FBN1: variants seen among roughly 807,000 people sequenced by gnomAD.
The protein encoded by FBN1 is fibrillin 1.
FBN1 carries 29 observed loss-of-function variants against 365.1 expected under a neutral mutation model. The observed-to-expected ratio is 0.08, with a 90% CI of 0.06 to 0.11. The LOEUF is 0.11. Among genes scored for constraint, FBN1 ranks in the 10% least tolerant of loss-of-function variants. The pLI, the probability that FBN1 is intolerant of heterozygous loss-of-function variation, is 1.00. For missense variants in FBN1, 2,476 were observed against 3,703.2 expected (o/e 0.67, Z 8.60); for synonymous variants, 1,210 against 1,270.5 (o/e 0.95, Z 1.01).
intron 43 of FBN1, among the ~76,000 whole-genome samples, chr15:48,459,313 G>A (rs1015872408): frequency 1.4e-4 from 21 of 152,192 alleles, no homozygotes; most frequent in African/African-American, 5.1e-4. Context: ...GGTGTTCCAT[G>A]CCAATGTCAT....
chr15:48,444,760 T>C, intron 48 of FBN1, 100 bp from the exon 49 acceptor site: 4 of 1,245,614 alleles, frequency 3.2e-6, no homozygotes, highest in South Asian at 2.5e-5. Flanking sequence ...AAGAAATACA[T>C]AAAGCAAATT....
In FBN1 at chr15:48,526,265, A is replaced by C; in HGVS notation, c.863-10T>G. On this transcript the variant is annotated splice_polypyrimidine_tract_variant and intron_variant, in intron 8 of 65. Transcript: ENST00000316623. ...CTGCATTCATCAATATCTGGAATAT[A>C]AAAAAAAGAATCTCAGCATTTGTAG... 6.2e-7 allele frequency: 1 copy of C among 1,603,206 alleles called. No homozygotes were observed. Among genetic ancestry groups the C allele is most frequent in the East Asian group, 2.2e-5 (1 of 44,600 alleles).
chr15:48,621,101 C>T (rs774529141), intron 2 of FBN1, among the ~76,000 whole-genome samples: 2 of 152,194 alleles, frequency 1.3e-5, no homozygotes, highest in Non-Finnish European at 2.9e-5. Flanking sequence ...TAAGTCCATA[C>T]TGATAAATAA....
chr15:48,458,893 A>G (rs2043261231), intron 43 of FBN1, among the ~76,000 whole-genome samples: 1 of 152,248 alleles, frequency 6.6e-6, no homozygotes, highest in South Asian at 2.1e-4. Flanking sequence ...TCATGCTGGA[A>G]TTTGGTAACA....
chr15:48,422,194 C>T (rs2042949215), intron 60 of FBN1, 126 bp from the exon 61 acceptor site: 1 of 719,106 alleles, frequency 1.4e-6, no homozygotes, highest in Non-Finnish European at 2.5e-6. Flanking sequence ...AAAGAAGCCA[C>T]AGCAAAAGGC....
chr15:48,453,294 C>CAAAA (rs60566317), intron 44 of FBN1, among the ~76,000 whole-genome samples: 1 of 58,470 alleles, frequency 1.7e-5, no homozygotes, highest in Non-Finnish European at 4.5e-5. Context: ...ATAAAACAAA[C>CAAAA]AAAAAAAAAA....
At chr15:48,511,062 A>C (rs560021898) in intron 13 of FBN1, among the ~76,000 whole-genome samples, 1 of 152,214 alleles carries the variant, frequency 6.6e-6, no homozygotes, top group East Asian at 1.9e-4. Flanking sequence ...GTGGAGTTGG[A>C]TGCGAGCATT....
chr15:48,550,435 A>T (rs1434368589), intron 6 of FBN1, among the ~76,000 whole-genome samples: 1 of 151,970 alleles, frequency 6.6e-6, no homozygotes, highest in East Asian at 1.9e-4. Flanking sequence ...CCCCCACCTA[A>T]TCACCCGCAA....
At chr15:48,640,210 T>C (rs1890174158) in intron 2 of FBN1, among the ~76,000 whole-genome samples, 1 of 152,218 alleles carries the variant, frequency 6.6e-6, no homozygotes, top group Admixed American at 6.5e-5. Flanking sequence ...AAACAACCTC[T>C]ATGTCTTCAA....
At chr15:48,435,778 G>GTATATATATGCATATA (rs1299471206) in intron 53 of FBN1, among the ~76,000 whole-genome samples, 1 of 141,322 alleles carries the variant, frequency 7.1e-6, no homozygotes. Context: ...GTATATGTGT[G>GTATATATATGCATATA]TGTGTGTGTG....
chr15:48,464,787 T>C (rs138536551), intron 40 of FBN1, among the ~76,000 whole-genome samples: 70 of 152,326 alleles, frequency 4.6e-4, no homozygotes, highest in Middle Eastern at 3.4e-3. Context: ...TAAGGCAGCA[T>C]GGAGCATATT....
rs541209065 is a variant in FBN1 at position 48,439,731 on chromosome 15, T to C, written c.6164-1814A>G. ...GACTTCGTCCCAGACCCCAGCTCTA[T>C]CTCCCCCACACCACTCCACCCCGAA... On this transcript the variant is annotated intron_variant, in intron 50 of 65. Transcript: ENST00000316623. Among the ~76,000 whole-genome samples, 7 of 151,964 alleles carry C rather than the reference T, an allele frequency of 4.6e-5. 1 individual carries two copies. Among genetic ancestry groups the C allele is most frequent in the African/African-American group, 1.4e-4 (6 of 41,426 alleles).
At chr15:48,444,116 T>C (rs145285769) in intron 49 of FBN1, among the ~76,000 whole-genome samples, 1 of 152,278 alleles carries the variant, frequency 6.6e-6, no homozygotes, top group East Asian at 1.9e-4. Flanking sequence ...CACTGCTCTA[T>C]AGGTAAAAAC....
chr15:48,597,739 T>C (rs925200904), intron 5 of FBN1, among the ~76,000 whole-genome samples: 6 of 152,258 alleles, frequency 3.9e-5, no homozygotes, highest in African/African-American at 1.4e-4. Context: ...GAGAGGTTTA[T>C]GTAAATTAAT....
intron 6 of FBN1, among the ~76,000 whole-genome samples, chr15:48,556,791 A>T (rs2044184569): frequency 6.6e-6 from 1 of 152,186 alleles, no homozygotes; most frequent in Non-Finnish European, 1.5e-5. Flanking sequence ...AGCGGAGAGA[A>T]TTTAAGGTTG....
chr15:48,473,663 T>A (rs1360069215), intron 34 of FBN1, among the ~76,000 whole-genome samples: 1 of 152,178 alleles, frequency 6.6e-6, no homozygotes, highest in African/African-American at 2.4e-5. Flanking sequence ...ATGATGACGA[T>A]AATGATGATG....
intron 35 of FBN1, among the ~76,000 whole-genome samples, chr15:48,471,198 A>T (rs1184588177): frequency 6.6e-6 from 1 of 152,092 alleles, no homozygotes; most frequent in East Asian, 1.9e-4. Flanking sequence ...CAGTGTCCCT[A>T]GTCCTATGGC....
At chr15:48,492,670 C>T (rs2043571644) in intron 23 of FBN1, 84 bp from the exon 24 acceptor site, 1 of 1,145,186 alleles carries the variant, frequency 8.7e-7, no homozygotes, top group Non-Finnish European at 1.3e-6. Context: ...ATAATTATTC[C>T]CCATTTTGAA....
At chr15:48,567,713 C>T (rs1237694003) in intron 6 of FBN1, among the ~76,000 whole-genome samples, 1 of 152,080 alleles carries the variant, frequency 6.6e-6, no homozygotes, top group Non-Finnish European at 1.5e-5. Flanking sequence ...ACAAAAACCA[C>T]ATGATCATCT....
Sources: gnomAD v4.1 joint callset for allele counts (sites outside exome capture counted in the v4.1 genomes callset) on GRCh38, gnomAD v4.1.1 for gene constraint, MANE v1.5 for transcripts, NCBI Gene and HGNC (gene_info 2026-07-23, HGNC 2026-07-21) for gene names.